Variants in GTF2F2 observed in about 807,000 individuals in gnomAD.
GTF2F2 encodes the protein ATP-dependent helicase GTF2F2.
In GTF2F2, 23 loss-of-function variants were observed where a neutral mutation model predicts 42.2. The observed-to-expected ratio is 0.55, with a 90% CI of 0.39 to 0.77. The LOEUF (loss-of-function observed/expected upper bound fraction) is 0.77, where lower values mean the gene tolerates loss of function less well. Among genes scored for constraint, GTF2F2 ranks in the 30% least tolerant of loss-of-function variants. The pLI, the probability that GTF2F2 is intolerant of heterozygous loss-of-function variation, is 0.00. For missense variants in GTF2F2, 261 were observed against 287.2 expected (o/e 0.91, Z 0.66); for synonymous variants, 105 against 100.8 (o/e 1.04, Z -0.25).
chr13:45,194,012 C>T, intron 4 of GTF2F2: 1 of 1,614,108 alleles, frequency 6.2e-7, no homozygotes, highest in Non-Finnish European at 8.5e-7. Context: ...ATTGAAAACT[C>T]CTCTGGAAAT....
chr13:45,120,514 G>T lies in GTF2F2; in HGVS notation c.-142G>T. 1 of 633,340 alleles carries T rather than the reference G, an allele frequency of 1.6e-6. No homozygotes were observed. The highest frequency in any genetic ancestry group is 2.8e-5 in the East Asian group (1 of 35,222). 39.2% of individuals were successfully genotyped at this position (633,340 alleles called of 1,614,324 possible). A position where few individuals can be genotyped will look rare whatever the true frequency, so the allele number is the denominator to read the frequency against. ...TGGCGGCGTGTTCCTCTTTTCCTCG[G>T]TTCCCAGTGTTCTGGCAGGTAAGGA... On this transcript the variant is annotated 5_prime_UTR_variant, in exon 1 of 8. Coordinates refer to ENST00000340473, the MANE Select transcript of GTF2F2 (RefSeq NM_004128.3).
chr13:45,182,814 T>A (rs1239609811), intron 4 of GTF2F2, among the ~76,000 whole-genome samples: 1 of 152,150 alleles, frequency 6.6e-6, no homozygotes, highest in Non-Finnish European at 1.5e-5. Flanking sequence ...CACAGAGGCT[T>A]CTTTCCTGGT....
chr13:45,259,386 A>G (rs1485864467), intron 6 of GTF2F2, among the ~76,000 whole-genome samples: 1 of 152,154 alleles, frequency 6.6e-6, no homozygotes, highest in African/African-American at 2.4e-5. Flanking sequence ...AGGTCATGCC[A>G]CTGCACTCCA....
At position 45,184,397 on chromosome 13, in the gene GTF2F2, C is replaced by CT. The variant is rs373319614; in HGVS notation, c.305-23018dup. On this transcript the variant is annotated intron_variant, in intron 4 of 7. Transcript: ENST00000340473. ...TTTTTTAACTTTATTCCCCCCCGCC[C>CT]TTTTTTTTTGAGACAGGGTCTTGCT... is the stretch of plus-strand genomic sequence containing the variant. Among the ~76,000 whole-genome samples, 101 of 147,940 alleles carry CT rather than the reference C, an allele frequency of 6.8e-4. 1 individual carries two copies. Among genetic ancestry groups the CT allele is most frequent in the African/African-American group, 2.1e-3 (80 of 38,950 alleles).
intron 2 of GTF2F2, among the ~76,000 whole-genome samples, chr13:45,141,271 C>T (rs1869912765): frequency 6.6e-6 from 1 of 152,176 alleles, no homozygotes; most frequent in East Asian, 1.9e-4. Context: ...TTAAAGATAG[C>T]ATGCTAAATA....
chr13:45,200,840 T>C (rs1029963822), intron 4 of GTF2F2, among the ~76,000 whole-genome samples: 1 of 152,174 alleles, frequency 6.6e-6, no homozygotes, highest in East Asian at 1.9e-4. Context: ...CTTGAAAAGA[T>C]TATTTCTTCA....
intron 2 of GTF2F2, among the ~76,000 whole-genome samples, chr13:45,142,219 C>T (rs960022256): frequency 3.9e-4 from 60 of 152,154 alleles, no homozygotes; most frequent in African/African-American, 1.2e-3. Context: ...CAGGCTGGAG[C>T]GCAGTGGCGT....
chr13:45,165,565 T>A, intron 4 of GTF2F2, among the ~76,000 whole-genome samples: 2 of 137,714 alleles, frequency 1.5e-5, no homozygotes, highest in Admixed American at 7.0e-5. Context: ...TCCACTGCCC[T>A]CGCCCCCCCC....
At chr13:45,170,579 A>G (rs1279784643) in intron 4 of GTF2F2, among the ~76,000 whole-genome samples, 1 of 152,234 alleles carries the variant, frequency 6.6e-6, no homozygotes, top group Non-Finnish European at 1.5e-5. Flanking sequence ...TGTACACAGA[A>G]TATTTTCCCC....
In GTF2F2 at chr13:45,212,444, C is replaced by T. The variant is rs1032343043; in HGVS notation, c.386+4939C>T. Among the ~76,000 whole-genome samples, 77 of 72,626 alleles carry T rather than the reference C, an allele frequency of 1.1e-3. 1 individual carries two copies. Among genetic ancestry groups the T allele is most frequent in the East Asian group, 9.0e-3 (17 of 1,892 alleles). The allele number at this position is 72,626 out of a possible 152,430, so 47.6% of individuals were successfully genotyped here. On this transcript the variant is annotated intron_variant, in intron 5 of 7. Coordinates refer to ENST00000340473, the MANE Select transcript of GTF2F2 (RefSeq NM_004128.3). ...GATTGATTTCTTTCTTTCTTTCTTT[C>T]TTGTTTCTTTCTTTCTTTCTTTCTT...
chr13:45,204,298 A>G (rs1247492234), intron 4 of GTF2F2, among the ~76,000 whole-genome samples: 1 of 152,216 alleles, frequency 6.6e-6, no homozygotes, highest in African/African-American at 2.4e-5. Context: ...AAGAAAGTCT[A>G]CGCTCCTTGA....
At chr13:45,198,417 A>T (rs1221643103) in intron 4 of GTF2F2, among the ~76,000 whole-genome samples, 4 of 152,360 alleles carry the variant, frequency 2.6e-5, no homozygotes, top group Middle Eastern at 3.4e-3. Context: ...AAAAAGTATG[A>T]TAATTCTCCT....
intron 6 of GTF2F2, among the ~76,000 whole-genome samples, chr13:45,261,163 A>C (rs1197937174): frequency 6.6e-6 from 1 of 152,162 alleles, no homozygotes; most frequent in Non-Finnish European, 1.5e-5. Context: ...GCAGTGGCTC[A>C]AGCCAGTAAT....
chr13:45,244,991 G>C (rs1593514947), intron 5 of GTF2F2, among the ~76,000 whole-genome samples: 1 of 152,194 alleles, frequency 6.6e-6, no homozygotes, highest in East Asian at 1.9e-4. Flanking sequence ...GGAGAAATGA[G>C]TTGCTCTTGA....
chr13:45,147,998 C>T lies in GTF2F2; in HGVS notation c.141-1772C>T, dbSNP rs9590873. Among the ~76,000 whole-genome samples the T allele has an allele frequency of 6.5e-3, 994 of 152,198 alleles. 10 individuals carry two copies. The highest frequency in any genetic ancestry group is 0.021 in the African/African-American group (873 of 41,510). On this transcript the variant is annotated intron_variant, in intron 2 of 7. Coordinates refer to ENST00000340473, the MANE Select transcript of GTF2F2 (RefSeq NM_004128.3). Reference sequence around the variant, plus strand: ...TTATTTGTAGTTGTTTATGATTGGACGTGTCTATTTTCATTAAACTGGGAC... The same window carrying T: ...TTATTTGTAGTTGTTTATGATTGGATGTGTCTATTTTCATTAAACTGGGAC...
intron 5 of GTF2F2, among the ~76,000 whole-genome samples, chr13:45,248,638 T>A (rs1288075945): frequency 6.6e-6 from 1 of 152,014 alleles, no homozygotes; most frequent in Non-Finnish European, 1.5e-5. Flanking sequence ...CATGCCCGGC[T>A]GATTTTTTTG....
chr13:45,224,940 T>A (rs1343819391), intron 5 of GTF2F2, among the ~76,000 whole-genome samples: 1 of 152,226 alleles, frequency 6.6e-6, no homozygotes, highest in African/African-American at 2.4e-5. Flanking sequence ...CTAGGCACTG[T>A]CCCTGCAGTG....
intron 5 of GTF2F2, among the ~76,000 whole-genome samples, chr13:45,249,337 A>G (rs1875778090): frequency 6.6e-6 from 1 of 152,068 alleles, no homozygotes; most frequent in Admixed American, 6.6e-5. Context: ...TGCCTTTTAA[A>G]TGTATGATAG....
At chr13:45,172,798 A>G (rs77373089) in intron 4 of GTF2F2, among the ~76,000 whole-genome samples, 4,213 of 152,258 alleles carry the variant, frequency 0.028, 210 homozygotes, top group African/African-American at 0.093. Flanking sequence ...TCCATTGCTC[A>G]ATGTATCTAT....
Sources: allele counts gnomAD v4.1 joint callset (sites outside exome capture counted in the v4.1 genomes callset), GRCh38; gene constraint gnomAD v4.1.1; transcripts MANE v1.5; gene names NCBI Gene and HGNC (gene_info 2026-07-23, HGNC 2026-07-21).